Variants in CHFR observed in about 807,000 individuals in gnomAD.
CHFR encodes the protein E3 ubiquitin-protein ligase CHFR.
Under a neutral mutation model 87.6 loss-of-function variants are expected in CHFR, and 57 were observed. The observed-to-expected ratio is 0.65, with a 90% CI of 0.53 to 0.81. The LOEUF is 0.81. Ranked by LOEUF, CHFR falls within the 30% of genes least tolerant of loss-of-function variation. CHFR has a pLI of 0.00. For synonymous variants in CHFR, 381 were observed against 359.2 expected, an observed-to-expected ratio of 1.06 and a Z score of -0.69; for missense variants, 797 against 865.8, an observed-to-expected ratio of 0.92 and a Z score of 1.00.
Position 132,838,248 on chromosome 12 carries a change from G to A in CHFR, c.*3306C>T, listed in dbSNP as rs764460239. 4 of 152,444 alleles carry A rather than the reference G, an allele frequency of 2.6e-5. No homozygotes were observed. Among genetic ancestry groups the A allele is most frequent in the Non-Finnish European group, 5.9e-5 (4 of 68,216 alleles). The allele number at this position is 152,444 out of a possible 1,614,324, so 9.4% of individuals were successfully genotyped here. A position where few individuals can be genotyped will look rare whatever the true frequency, so the allele number is the denominator to read the frequency against. On this transcript the variant is annotated 3_prime_UTR_variant, in exon 18 of 18. Coordinates refer to ENST00000450056, the MANE Select transcript of CHFR (RefSeq NM_001161346.2). ...ACCACTCCCATCCTGCTGGCCCTGA[G>A]GTCATTAAGATGACTTAAAGCAGAT...
In CHFR at chr12:132,887,354, G is replaced by A. The variant is rs1951923435; in HGVS notation, c.-12-14C>T. 2.2e-6 allele frequency: 3 copies of A among 1,390,996 alleles called. No individual in the cohort carries two copies. The highest frequency in any genetic ancestry group is 2.8e-6 in the Non-Finnish European group (3 of 1,072,832). The allele number at this position is 1,390,996 out of a possible 1,614,324, so 86.2% of individuals were successfully genotyped here. A position where few individuals can be genotyped will look rare whatever the true frequency, so the allele number is the denominator to read the frequency against. ...CGGGATTCACATCTGCGGAGACCCC[G>A]GAAACGCCCATGGAGACTCCCGACC... On this transcript the variant is annotated splice_polypyrimidine_tract_variant and intron_variant, in intron 1 of 17. Coordinates refer to ENST00000450056, the MANE Select transcript of CHFR (RefSeq NM_001161346.2).
In CHFR at chr12:132,870,307, G is replaced by A. The variant is rs906704211; in HGVS notation, c.403+417C>T. Reference sequence around the variant, plus strand: ...GTGGAGGTTGCAGTGAGCCGAGATCGCGCCACTGCACTCCAGCCTGGGCGA... The same window carrying A: ...GTGGAGGTTGCAGTGAGCCGAGATCACGCCACTGCACTCCAGCCTGGGCGA... On this transcript the variant is annotated intron_variant, in intron 5 of 17. Coordinates refer to ENST00000450056, the MANE Select transcript of CHFR (RefSeq NM_001161346.2). 1.2e-4 allele frequency among the ~76,000 whole-genome samples: 18 copies of A among 151,746 alleles called. No homozygotes were observed. The South Asian group carries it at 3.1e-3, about 26-fold the overall frequency.
chr12:132,866,539 ATGTTACAACACACCGCGAT>A (rs1214142009), intron 6 of CHFR: 1 of 149,868 alleles, frequency 6.7e-6, no homozygotes, highest in Admixed American at 6.6e-5. Context: ...AACACACCGG[ATGTTACAACACACCGCGAT>A]TGTTACAACA....
In CHFR at chr12:132,857,683, A is replaced by T. The variant is rs937902487; in HGVS notation, c.912-124T>A. ...GGGCCCAGCCATCGTTCAACCTAAA[A>T]ACCCTTTAAGTCAGTCTTGGTTAAT... On this transcript the variant is annotated intron_variant, in intron 8 of 17. Transcript: ENST00000450056. 3 of 882,566 alleles carry T rather than the reference A, an allele frequency of 3.4e-6. No individual in the cohort carries two copies. The African/African-American group carries it at 5.1e-5, about 15-fold the overall frequency. 54.7% of individuals were successfully genotyped at this position (882,566 alleles called of 1,614,324 possible).
intron 3 of CHFR, among the ~76,000 whole-genome samples, chr12:132,876,032 C>T (rs561687607): frequency 2.2e-4 from 33 of 151,834 alleles, no homozygotes; most frequent in African/African-American, 6.5e-4. Context: ...AAAAAATAGC[C>T]GGGCTTGGTA....
intron 6 of CHFR, chr12:132,866,281 C>T (rs915958587): frequency 6.6e-6 from 1 of 152,246 alleles, no homozygotes; most frequent in Non-Finnish European, 1.5e-5. Context: ...TTACAACACA[C>T]CAGAATGTGA....
rs147803503 is a variant in CHFR, at chr12:132,855,622, G to A, written c.1229+846C>T. Among the ~76,000 whole-genome samples the A allele has an allele frequency of 4.4e-3, 672 of 151,360 alleles. 3 individuals carry two copies. Among genetic ancestry groups the A allele is most frequent in the African/African-American group, 0.015 (632 of 41,226 alleles). On this transcript the variant is annotated intron_variant, in intron 10 of 17. Coordinates refer to ENST00000450056, the MANE Select transcript of CHFR (RefSeq NM_001161346.2). ...GTGGTGATTTCAGTGAGCTGAGATCGTGTCACTGCACTCCAGCCTGGCAGC... is the reference window on the plus strand; with the variant it reads ...GTGGTGATTTCAGTGAGCTGAGATCATGTCACTGCACTCCAGCCTGGCAGC...
intron 6 of CHFR, among the ~76,000 whole-genome samples, chr12:132,868,276 G>A (rs1367623729): frequency 6.6e-6 from 1 of 152,216 alleles, no homozygotes; most frequent in Non-Finnish European, 1.5e-5. Context: ...AGATCACGAG[G>A]TCAGGAGATC....
chr12:132,877,609 T>C lies in CHFR; in HGVS notation c.179A>G (p.His60Arg). 4 of 1,613,708 alleles carry C rather than the reference T, an allele frequency of 2.5e-6. No individual in the cohort carries two copies. Among genetic ancestry groups the C allele is most frequent in the Non-Finnish European group, 2.5e-6 (3 of 1,179,804 alleles). Residue 60 changes from histidine (H) to arginine (R), a missense_variant, in exon 3 of 18, where the codon CAC (histidine) becomes CGC (arginine). This residue lies in a region of CHFR where 597 missense variants were observed against 601.2 expected (regional missense o/e 0.99). Coordinates refer to ENST00000450056, the MANE Select transcript of CHFR (RefSeq NM_001161346.2). The part of the protein sequence containing the change: ...FPSNKLVSGD[H>R]CRIVVDEKSG... ...TTTTTCATCCACTACAATTCTACAG[T>C]GATCTCCAGAGACCAGTTTATTGCT... is the stretch of plus-strand genomic sequence containing the variant.
At position 132,839,758 on chromosome 12, in the gene CHFR, C is replaced by T; in HGVS notation, c.*1796G>A. 5.9e-6 allele frequency: 1 copy of T among 169,206 alleles called. No homozygotes were observed. The highest frequency in any genetic ancestry group is 1.3e-5 in the Non-Finnish European group (1 of 78,358). 10.5% of individuals were successfully genotyped at this position (169,206 alleles called of 1,614,324 possible). On this transcript the variant is annotated 3_prime_UTR_variant, in exon 18 of 18. Coordinates refer to ENST00000450056, the MANE Select transcript of CHFR (RefSeq NM_001161346.2). ...AACTCCCCTTTTGGCTTCATCCATG[C>T]ACAAACTTGGGACCTCCCTTCTCGG...
chr12:132,863,117 C>T (rs1951253446), intron 6 of CHFR, among the ~76,000 whole-genome samples: 2 of 149,452 alleles, frequency 1.3e-5, no homozygotes, highest in Non-Finnish European at 3.0e-5. Context: ...AGGATGGTCT[C>T]GATCTCCTGA....
chr12:132,853,533 T>G lies in CHFR; in HGVS notation c.1270A>C (p.Arg424=), dbSNP rs1445358565. Residue 424 remains arginine, a synonymous_variant, in exon 11 of 18, where the codon AGG becomes CGG. Transcript: ENST00000450056. The part of the protein sequence containing the change: ...VVCRQCPEYR[R]QAAQPPHCPA... ...CAGTGGGGAGGCTGCGCCGCCTGCC[T>G]TCTGTACTCAGGACACTGCCGGCAC... 1 of 1,532,670 alleles carries G rather than the reference T, an allele frequency of 6.5e-7. No homozygotes were observed. Among genetic ancestry groups the G allele is most frequent in the East Asian group, 2.5e-5 (1 of 39,638 alleles). The allele number at this position is 1,532,670 out of a possible 1,614,324, so 94.9% of individuals were successfully genotyped here. A position where few individuals can be genotyped will look rare whatever the true frequency, so the allele number is the denominator to read the frequency against.
chr12:132,863,734 G>A (rs1201398291), intron 6 of CHFR, among the ~76,000 whole-genome samples: 1 of 152,098 alleles, frequency 6.6e-6, no homozygotes, highest in Non-Finnish European at 1.5e-5. Flanking sequence ...AATGACCTTG[G>A]CAGAAAAACA....
At position 132,859,078 on chromosome 12, in the gene CHFR, C is replaced by A. The variant is rs1951153058; in HGVS notation, c.901G>T (p.Asp301Tyr). The change falls in exon 8 of 18, where the codon GAC becomes TAC. Residue 301 changes from aspartate (D) to tyrosine (Y), a missense_variant. Asp to Tyr is a radical substitution (Grantham distance 160, BLOSUM62 -3). Around this residue, in one of 2 missense-constraint regions of CHFR, gnomAD observed 597 missense variants for 601.2 expected, o/e 0.99. Transcript: ENST00000450056. ...TCIICQDLLH[D>Y]CVSLQPCMHT... ...TGAACACGGTCGCACCTCACGCAGT[C>A]GTGCAGCAGGTCCTGGCAGATGATG... is the stretch of plus-strand genomic sequence containing the variant. The A allele has an allele frequency of 6.2e-7, 1 of 1,613,348 alleles. No homozygotes were observed. Among genetic ancestry groups the A allele is most frequent in the Admixed American group, 1.7e-5 (1 of 59,938 alleles).
chr12:132,853,783 TC>T (rs1400133808), intron 10 of CHFR: 1 of 554,916 alleles, frequency 1.8e-6, no homozygotes, highest in East Asian at 3.5e-5. Flanking sequence ...CCACTCTGCA[TC>T]CCCAGCTCAG....
At chr12:132,850,539 G>A (rs1047697290) in intron 12 of CHFR, among the ~76,000 whole-genome samples, 31 of 152,280 alleles carry the variant, frequency 2.0e-4, no homozygotes, top group Middle Eastern at 6.8e-3. Context: ...GATGACCCCC[G>A]AGGCAGCGAC....
At position 132,882,706 on chromosome 12, in the gene CHFR, G is replaced by GT. The variant is rs11287044; in HGVS notation, c.133+4489dup. On this transcript the variant is annotated intron_variant, in intron 2 of 17. Coordinates refer to ENST00000450056, the MANE Select transcript of CHFR (RefSeq NM_001161346.2). ...AGGCGTCTCCATGCCAGAACATCAG[G>GT]TTTTTTTTTTTTTCTTTGAGACAAG... Among the ~76,000 whole-genome samples the GT allele has an allele frequency of 6.0e-3, 877 of 145,642 alleles. 11 individuals are homozygous for GT. The highest frequency in any genetic ancestry group is 0.02 in the African/African-American group (785 of 39,454).
At chr12:132,855,732 G>A (rs1053066974) in intron 10 of CHFR, among the ~76,000 whole-genome samples, 4 of 152,092 alleles carry the variant, frequency 2.6e-5, no homozygotes, top group African/African-American at 9.7e-5. Context: ...TATGACACAC[G>A]TATGAATGGC....
rs1313103296 is a variant in CHFR at position 132,846,998 on chromosome 12, G to T, written c.1735+45C>A. On this transcript the variant is annotated intron_variant, in intron 15 of 17. Coordinates refer to ENST00000450056, the MANE Select transcript of CHFR (RefSeq NM_001161346.2). ...GAGCAGACACGCAGGCACAGCCCTG[G>T]ACACTCACATGCGCCTTAGAGCAGG... The T allele has an allele frequency of 2.1e-6, 3 of 1,409,378 alleles. No homozygotes were observed. The Admixed American group carries it at 5.0e-5, about 24-fold the overall frequency. The allele number at this position is 1,409,378 out of a possible 1,614,324, so 87.3% of individuals were successfully genotyped here. A position where few individuals can be genotyped will look rare whatever the true frequency, so the allele number is the denominator to read the frequency against.
Sources: gnomAD v4.1 joint callset for allele counts (sites outside exome capture counted in the v4.1 genomes callset) on GRCh38, gnomAD v4.1.1 for gene constraint, gnomAD v4.1.1 regional missense constraint, MANE v1.5 for transcripts, NCBI Gene and HGNC (gene_info 2026-07-23, HGNC 2026-07-21) for gene names.